CFAP58: variants seen among roughly 807,000 people sequenced by gnomAD.
CFAP58 encodes cilia- and flagella-associated protein 58.
CFAP58 carries 88 observed loss-of-function variants against 119.5 expected under a neutral mutation model. The ratio of observed to expected loss-of-function variants is 0.74; its 90% CI spans 0.62 to 0.88. CFAP58 has a LOEUF of 0.88. Ranked by LOEUF, CFAP58 falls within the 40% of genes least tolerant of loss-of-function variation. CFAP58 has a pLI of 0.00. For synonymous variants in CFAP58, 365 were observed against 366.3 expected, an observed-to-expected ratio of 1.00 and a Z score of 0.04; for missense variants, 990 against 1,021.2, an observed-to-expected ratio of 0.97 and a Z score of 0.42.
chr10:104,401,550 A>T (rs1434962225), intron 13 of CFAP58, among the ~76,000 whole-genome samples: 1 of 152,192 alleles, frequency 6.6e-6, no homozygotes, highest in Non-Finnish European at 1.5e-5. Flanking sequence ...CAGGAAACCA[A>T]ATAAGAGTTC....
chr10:104,419,252 A>G (rs548999096), intron 15 of CFAP58, among the ~76,000 whole-genome samples: 22 of 152,206 alleles, frequency 1.4e-4, no homozygotes, highest in African/African-American at 5.1e-4. Context: ...GCGGGGCACC[A>G]TATGCTTCTA....
At chr10:104,379,742 G>A (rs2011744918) in intron 8 of CFAP58, among the ~76,000 whole-genome samples, 1 of 152,280 alleles carries the variant, frequency 6.6e-6, no homozygotes, top group Non-Finnish European at 1.5e-5. Flanking sequence ...GAACTTGTGG[G>A]CAAATAGCTT....
At chr10:104,374,114 G>A (rs531067404) in intron 7 of CFAP58, among the ~76,000 whole-genome samples, 3 of 152,110 alleles carry the variant, frequency 2.0e-5, no homozygotes, top group South Asian at 4.2e-4. Flanking sequence ...AAGGCAAATC[G>A]ACTAAAAGAA....
At chr10:104,397,551 C>G (rs900095754) in intron 11 of CFAP58, among the ~76,000 whole-genome samples, 10 of 152,202 alleles carry the variant, frequency 6.6e-5, no homozygotes, top group Admixed American at 6.5e-4. Context: ...TGGGTTGGTT[C>G]AAAGGCACTT....
At chr10:104,395,580 G>A (rs993218196) in intron 11 of CFAP58, among the ~76,000 whole-genome samples, 3 of 152,160 alleles carry the variant, frequency 2.0e-5, no homozygotes, top group African/African-American at 7.2e-5. Flanking sequence ...CATTAAGCTC[G>A]TTTGACATTC....
chr10:104,428,609 A>G (rs1050362180), intron 15 of CFAP58, among the ~76,000 whole-genome samples: 1 of 152,180 alleles, frequency 6.6e-6, no homozygotes, highest in African/African-American at 2.4e-5. Flanking sequence ...GACAGGCATG[A>G]GTGCAAGTTG....
In CFAP58 at chr10:104,454,451, C is replaced by T. The variant is rs1564909724; in HGVS notation, c.2540C>T (p.Thr847Ile). The T allele has an allele frequency of 6.2e-7, 1 of 1,613,718 alleles. No homozygotes were observed. Among genetic ancestry groups the T allele is most frequent in the Admixed American group, 1.7e-5 (1 of 59,992 alleles). The change falls in exon 18 of 18, where the codon ACC becomes ATC. Residue 847 changes from threonine to isoleucine, a missense_variant. Coordinates refer to ENST00000369704, the MANE Select transcript of CFAP58 (RefSeq NM_001008723.2). ...KNKDTAPMDNTFLMVKPNGPG... is the reference protein window; with the variant it reads ...KNKDTAPMDNIFLMVKPNGPG... ...AAGGACACAGCACCCATGGATAACA[C>T]CTTCTTAATGGTCAAACCAAATGGT...
chr10:104,360,658 AGT>A (rs2014654843), intron 2 of CFAP58, among the ~76,000 whole-genome samples: 2 of 152,034 alleles, frequency 1.3e-5, no homozygotes, highest in Non-Finnish European at 2.9e-5. Context: ...GAAAGGCCCC[AGT>A]GTGTGTTATT....
At chr10:104,406,918 T>C in intron 15 of CFAP58, 125 bp downstream of exon 15, 1 of 677,758 alleles carries the variant, frequency 1.5e-6, no homozygotes, top group South Asian at 1.8e-5. Flanking sequence ...ATGGCAACAG[T>C]GACTTACACA....
chr10:104,429,094 G>C (rs546144314), intron 15 of CFAP58, among the ~76,000 whole-genome samples: 3 of 152,194 alleles, frequency 2.0e-5, no homozygotes, highest in African/African-American at 7.2e-5. Context: ...CAGCAGCACC[G>C]TGTGGCCAGG....
intron 17 of CFAP58, among the ~76,000 whole-genome samples, chr10:104,451,635 G>T (rs2013196625): frequency 6.6e-6 from 1 of 152,152 alleles, no homozygotes. Flanking sequence ...TTTCTTTTAG[G>T]ATATCAAGGT....
Position 104,399,367 on chromosome 10 carries a change from T to C in CFAP58, c.1682T>C (p.Leu561Pro). Residue 561 changes from leucine (L) to proline (P), a missense_variant, in exon 12 of 18, where the codon CTG becomes CCG. By Grantham distance (98) the Leu-to-Pro change is moderately conservative. Transcript: ENST00000369704. ...TCTTCCACTCTTTGTCAGGCTGAGC[T>C]GCAGAAGCTGAGACAACAAGCCCTG... ...EKEKETLKAE[L>P]QKLRQQALET... is the part of the protein sequence containing the mutation. 6.2e-7 allele frequency: 1 copy of C among 1,613,730 alleles called. No individual in the cohort carries two copies. The highest frequency in any genetic ancestry group is 8.5e-7 in the Non-Finnish European group (1 of 1,179,780).
upstream of CFAP58, among the ~76,000 whole-genome samples, chr10:104,350,198 G>C (rs2014444261): frequency 6.6e-6 from 1 of 152,180 alleles, no homozygotes; most frequent in Non-Finnish European, 1.5e-5. Context: ...GCAACATAGG[G>C]CTGGACATAT....
At chr10:104,418,313 CCGAGGCAGGTGGATCA>C (rs1391704077) in intron 15 of CFAP58, among the ~76,000 whole-genome samples, 8 of 152,164 alleles carry the variant, frequency 5.3e-5, no homozygotes, top group African/African-American at 1.9e-4. Flanking sequence ...CTTTGGGAGG[CCGAGGCAGGTGGATCA>C]CGAGGTCAGG....
At chr10:104,363,022 G>T (rs762024209) in intron 3 of CFAP58, among the ~76,000 whole-genome samples, 26 of 152,106 alleles carry the variant, frequency 1.7e-4, no homozygotes, top group Non-Finnish European at 2.5e-4. Flanking sequence ...CAACTTTTAT[G>T]CCTTCTTTAA....
the CFAP58 span, among the ~76,000 whole-genome samples, chr10:104,341,562 ATTCT>A: frequency 2.6e-5 from 4 of 151,792 alleles, no homozygotes; most frequent in Admixed American, 1.3e-4. Context: ...AATGATTGAA[ATTCT>A]TTTTTATTTA....
Position 104,450,241 on chromosome 10 carries a change from T to C in CFAP58, c.2510+37T>C, listed in dbSNP as rs756769780. On this transcript the variant is annotated intron_variant, in intron 17 of 17. Transcript: ENST00000369704. ...TCAAACGTCCTAATTTTGTTGTGCCTATTATCTGCACATAAGAAAATATTT... is the reference window on the plus strand; with the variant it reads ...TCAAACGTCCTAATTTTGTTGTGCCCATTATCTGCACATAAGAAAATATTT... 20 of 1,603,334 alleles carry C rather than the reference T, an allele frequency of 1.2e-5. No individual in the cohort carries two copies. In the Admixed American group the frequency reaches 2.7e-4, roughly 22 times the overall value.
At chr10:104,392,497 A>T (rs892263848) in intron 10 of CFAP58, 103 bp downstream of exon 10, 1 of 790,378 alleles carries the variant, frequency 1.3e-6, no homozygotes, top group Non-Finnish European at 1.9e-6. Context: ...ATTAAAAAAA[A>T]AACTCATGGA....
intron 3 of CFAP58, among the ~76,000 whole-genome samples, chr10:104,362,761 C>T (rs1482152858): frequency 3.3e-5 from 5 of 152,166 alleles, no homozygotes; most frequent in African/African-American, 4.8e-5. Flanking sequence ...TTTCTTTATT[C>T]CATCATTGCT....
Sources: allele counts gnomAD v4.1 joint callset (sites outside exome capture counted in the v4.1 genomes callset), GRCh38; gene constraint gnomAD v4.1.1; transcripts MANE v1.5; gene names NCBI Gene and HGNC (gene_info 2026-07-23, HGNC 2026-07-21).